Variants in LHFPL3 observed in about 807,000 individuals in gnomAD.
LHFPL3 encodes the protein LHFPL tetraspan subfamily member 3.
Under a neutral mutation model 19.3 loss-of-function variants are expected in LHFPL3, and 5 were observed. That is an observed-to-expected ratio of 0.26 (90% CI 0.14 to 0.54). The LOEUF is 0.54. LHFPL3 is among the 20% of genes least tolerant of loss of function. LHFPL3 has a pLI of 0.94. For missense variants in LHFPL3, 249 were observed against 307.4 expected (o/e 0.81, Z 1.42); for synonymous variants, 133 against 126.2 (o/e 1.05, Z -0.36).
chr7:104,800,958 T>G (rs1234638655), intron 2 of LHFPL3, among the ~76,000 whole-genome samples: 2 of 152,178 alleles, frequency 1.3e-5, no homozygotes, highest in Non-Finnish European at 2.9e-5. Context: ...AATTCCACAT[T>G]CATCTGGCAC....
rs1584610690 is a variant in LHFPL3, at chr7:104,906,298, A to G, written c.*83A>G. 6.9e-7 allele frequency: 1 copy of G among 1,457,036 alleles called. No homozygotes were observed. Among genetic ancestry groups the G allele is most frequent in the South Asian group, 1.2e-5 (1 of 82,648 alleles). The allele number at this position is 1,457,036 out of a possible 1,614,324, so 90.3% of individuals were successfully genotyped here. On this transcript the variant is annotated 3_prime_UTR_variant, in exon 3 of 3. Transcript: ENST00000424859. ...TAACAGCTTTTGTACATCAACATCA[A>G]GAAGGAATACGCCTGAGAGAGATCA...
chr7:104,491,470 TA>T (rs71153199), intron 1 of LHFPL3, among the ~76,000 whole-genome samples: 26 of 145,894 alleles, frequency 1.8e-4, no homozygotes, highest in Middle Eastern at 3.5e-3. Context: ...TTTTTCCATG[TA>T]AAAAAAAAAA....
At chr7:104,631,039 C>T (rs1213995961) in intron 1 of LHFPL3, among the ~76,000 whole-genome samples, 3 of 152,216 alleles carry the variant, frequency 2.0e-5, no homozygotes. Context: ...TGCTGAAATT[C>T]TGCCCTTGTG....
At chr7:104,758,193 A>G (rs1446931660) in intron 2 of LHFPL3, among the ~76,000 whole-genome samples, 2 of 152,142 alleles carry the variant, frequency 1.3e-5, no homozygotes, top group Non-Finnish European at 2.9e-5. Context: ...GGACTCCTGG[A>G]GGAGGGAAAG....
At chr7:104,567,053 C>A (rs1247054793) in intron 1 of LHFPL3, among the ~76,000 whole-genome samples, 1 of 152,156 alleles carries the variant, frequency 6.6e-6, no homozygotes, top group East Asian at 1.9e-4. Flanking sequence ...TCTTCCAGGA[C>A]AGCTATATAT....
At chr7:104,774,645 T>C (rs1287289300) in intron 2 of LHFPL3, among the ~76,000 whole-genome samples, 1 of 152,220 alleles carries the variant, frequency 6.6e-6, no homozygotes, top group Admixed American at 6.5e-5. Flanking sequence ...GTTCCAGTGT[T>C]TTTCTAGAAC....
intron 1 of LHFPL3, among the ~76,000 whole-genome samples, chr7:104,545,392 C>T (rs1794559777): frequency 6.6e-6 from 1 of 152,192 alleles, no homozygotes; most frequent in South Asian, 2.1e-4. Flanking sequence ...TTCCCAGGTT[C>T]CTGCACTCGT....
At chr7:104,535,994 C>T (rs1333154092) in intron 1 of LHFPL3, among the ~76,000 whole-genome samples, 3 of 152,216 alleles carry the variant, frequency 2.0e-5, no homozygotes, top group Admixed American at 6.5e-5. Flanking sequence ...CTGGAGTGTG[C>T]CATCACTGCC....
In LHFPL3 at chr7:104,676,847, T is replaced by C. The variant is rs543694950; in HGVS notation, c.446-59828T>C. ...AGCCTGAAAACTGGCTCACTCTGAC[T>C]CAGCAGTCAAATTCTGCTTTGATTG... On this transcript the variant is annotated intron_variant, in intron 1 of 2. Coordinates refer to ENST00000424859, the MANE Select transcript of LHFPL3 (RefSeq NM_199000.3). 8.8e-4 allele frequency among the ~76,000 whole-genome samples: 134 copies of C among 152,354 alleles called. 1 individual carries two copies. The highest frequency in any genetic ancestry group is 3.1e-3 in the African/African-American group (129 of 41,582).
chr7:104,712,392 C>A (rs186282938), intron 1 of LHFPL3, among the ~76,000 whole-genome samples: 5 of 152,316 alleles, frequency 3.3e-5, no homozygotes, highest in African/African-American at 1.2e-4. Context: ...CCTCACATGG[C>A]AGAAAACAGA....
intron 1 of LHFPL3, among the ~76,000 whole-genome samples, chr7:104,709,803 A>T (rs902222827): frequency 3.4e-5 from 5 of 148,044 alleles, no homozygotes; most frequent in African/African-American, 1.3e-4. Flanking sequence ...CCTAGACGGG[A>T]TGGCGGCTGC....
At position 104,743,759 on chromosome 7, in the gene LHFPL3, G is replaced by T. The variant is rs565626916; in HGVS notation, c.682+6848G>T. 2.0e-4 allele frequency among the ~76,000 whole-genome samples: 30 copies of T among 152,256 alleles called. 1 individual carries two copies. Among genetic ancestry groups the T allele is most frequent in the Middle Eastern group, 3.4e-3 (1 of 294 alleles). On this transcript the variant is annotated intron_variant, in intron 2 of 2. Transcript: ENST00000424859. Reference sequence around the variant, plus strand: ...AAATTTTCACAGCTAGGAAGGATTGGATGCAAGACTCAAACACAAATCATT... The same window carrying T: ...AAATTTTCACAGCTAGGAAGGATTGTATGCAAGACTCAAACACAAATCATT...
intron 2 of LHFPL3, among the ~76,000 whole-genome samples, chr7:104,888,957 C>T (rs139306465): frequency 6.6e-6 from 1 of 152,146 alleles, no homozygotes. Context: ...AAAGAAGTTA[C>T]ATGATAGCTT....
chr7:104,577,157 C>T (rs767640934), intron 1 of LHFPL3, among the ~76,000 whole-genome samples: 2 of 152,176 alleles, frequency 1.3e-5, no homozygotes, highest in Admixed American at 6.5e-5. Flanking sequence ...AAATCAGGCA[C>T]TGCAGTTCTA....
At chr7:104,585,480 A>AAACACACACACACACAC (rs1790551915) in intron 1 of LHFPL3, among the ~76,000 whole-genome samples, 1 of 123,362 alleles carries the variant, frequency 8.1e-6, no homozygotes, top group Admixed American at 8.4e-5. Context: ...AACACACACA[A>AAACACACACACACACAC]ACACACACAC....
At chr7:104,453,161 A>G (rs1482061531) in intron 1 of LHFPL3, among the ~76,000 whole-genome samples, 1 of 152,196 alleles carries the variant, frequency 6.6e-6, no homozygotes, top group African/African-American at 2.4e-5. Flanking sequence ...AAATCATACT[A>G]GACCAATTAA....
chr7:104,743,344 C>A (rs1203568802), intron 2 of LHFPL3, among the ~76,000 whole-genome samples: 1 of 152,168 alleles, frequency 6.6e-6, no homozygotes, highest in East Asian at 1.9e-4. Context: ...CATGTGAACA[C>A]CTTAATAGTG....
At chr7:104,549,040 T>G (rs938627806) in intron 1 of LHFPL3, among the ~76,000 whole-genome samples, 1 of 152,230 alleles carries the variant, frequency 6.6e-6, no homozygotes, top group African/African-American at 2.4e-5. Context: ...TAATTGGACT[T>G]GTGGAGAAAA....
chr7:104,608,635 TTAAAG>T (rs976542691), intron 1 of LHFPL3, among the ~76,000 whole-genome samples: 2 of 151,810 alleles, frequency 1.3e-5, no homozygotes, highest in Non-Finnish European at 2.9e-5. Flanking sequence ...ACCCTAAAAC[TTAAAG>T]TATAATAATA....
Sources: allele counts gnomAD v4.1 joint callset (sites outside exome capture counted in the v4.1 genomes callset), GRCh38; gene constraint gnomAD v4.1.1; transcripts MANE v1.5; gene names NCBI Gene and HGNC (gene_info 2026-07-23, HGNC 2026-07-21).